UGT1A10: variants seen among roughly 807,000 people sequenced by gnomAD.
UGT1A10 encodes the protein UDP glucuronosyltransferase family 1 member A10.
Under a neutral mutation model 45.8 loss-of-function variants are expected in UGT1A10, and 49 were observed. That is an observed-to-expected ratio of 1.07 (90% CI 0.85 to 1.36). The LOEUF (loss-of-function observed/expected upper bound fraction) is 1.36, where lower values mean the gene tolerates loss of function less well. Among genes scored for constraint, UGT1A10 ranks in the 40% most tolerant of loss-of-function variants. The pLI, the probability that UGT1A10 is intolerant of heterozygous loss-of-function variation, is 0.00. For missense variants in UGT1A10, 745 were observed against 668.6 expected (o/e 1.11, Z -1.26); for synonymous variants, 284 against 249.7 (o/e 1.14, Z -1.29).
chr2:233,721,331 C>T (rs1281887450), intron 1 of UGT1A10, among the ~76,000 whole-genome samples: 1 of 152,014 alleles, frequency 6.6e-6, no homozygotes, highest in African/African-American at 2.4e-5. Flanking sequence ...TGTGGTTTTT[C>T]ACTATGAATA....
intron 1 of UGT1A10, among the ~76,000 whole-genome samples, chr2:233,689,550 G>A (rs2074949714): frequency 6.6e-6 from 1 of 152,232 alleles, no homozygotes; most frequent in Non-Finnish European, 1.5e-5. Context: ...GCAGGTCATA[G>A]GTGAATTCAG....
At chr2:233,692,704 C>G (rs2075110773) in intron 1 of UGT1A10, 1 of 432,618 alleles carries the variant, frequency 2.3e-6, no homozygotes, top group Non-Finnish European at 3.1e-6. Context: ...CTCTCCAAGT[C>G]ATCTTCAAAG....
chr2:233,743,699 GC>G, intron 1 of UGT1A10: 2 of 1,367,268 alleles, frequency 1.5e-6, no homozygotes, highest in Non-Finnish European at 2.0e-6. Context: ...GCCGCCCTCC[GC>G]CCCCGCCTCG....
chr2:233,762,475 C>A (rs1173865347), intron 1 of UGT1A10, among the ~76,000 whole-genome samples: 1 of 152,106 alleles, frequency 6.6e-6, no homozygotes, highest in East Asian at 1.9e-4. Flanking sequence ...ATGGATATCA[C>A]TCCAGTTTTA....
intron 1 of UGT1A10, chr2:233,740,547 G>GA (rs1691417394): frequency 6.6e-6 from 1 of 151,824 alleles, no homozygotes; most frequent in Non-Finnish European, 1.5e-5. Flanking sequence ...ACTCCAGCCA[G>GA]AAAAAATGTC....
chr2:233,737,646 G>T (rs1166167912), intron 1 of UGT1A10, among the ~76,000 whole-genome samples: 1 of 152,194 alleles, frequency 6.6e-6, no homozygotes, highest in African/African-American at 2.4e-5. Flanking sequence ...CGTCGATCAT[G>T]CTGGGAGCTG....
At chr2:233,656,944 G>A (rs1371307527) in intron 1 of UGT1A10, among the ~76,000 whole-genome samples, 1 of 148,630 alleles carries the variant, frequency 6.7e-6, no homozygotes, top group Non-Finnish European at 1.5e-5. Flanking sequence ...TTCCTTTCCT[G>A]TGAGTCTTCC....
At chr2:233,646,442 A>G (rs1191143375) in intron 1 of UGT1A10, among the ~76,000 whole-genome samples, 1 of 152,156 alleles carries the variant, frequency 6.6e-6, no homozygotes, top group African/African-American at 2.4e-5. Context: ...TCAGGCTGCA[A>G]ATTTTCCAAA....
At chr2:233,730,052 G>T in intron 1 of UGT1A10, 3 of 1,612,052 alleles carry the variant, frequency 1.9e-6, no homozygotes, top group Non-Finnish European at 2.5e-6. Flanking sequence ...TTAAAAAAAT[G>T]TATTTATTTA....
intron 1 of UGT1A10, among the ~76,000 whole-genome samples, chr2:233,746,215 A>C (rs1693328060): frequency 6.6e-6 from 1 of 151,878 alleles, no homozygotes; most frequent in South Asian, 2.1e-4. Flanking sequence ...CTCTAATAGC[A>C]AGGACAGATA....
At chr2:233,726,073 G>A (rs2077498872) in intron 1 of UGT1A10, among the ~76,000 whole-genome samples, 1 of 152,190 alleles carries the variant, frequency 6.6e-6, no homozygotes, top group Non-Finnish European at 1.5e-5. Context: ...GGCTGAGGCA[G>A]GAGGATTACT....
chr2:233,667,198 A>G (rs1195405425), intron 1 of UGT1A10, among the ~76,000 whole-genome samples: 1 of 152,132 alleles, frequency 6.6e-6, no homozygotes, highest in African/African-American at 2.4e-5. Flanking sequence ...TAGTATTTCT[A>G]GTTCTAGATC....
rs549328655 is a variant in UGT1A10 at position 233,768,346 on chromosome 2, T to C, written c.1202T>C (p.Met401Thr). 31 of 1,614,146 alleles carry C rather than the reference T, an allele frequency of 1.9e-5. No individual in the cohort carries two copies. Among genetic ancestry groups the C allele is most frequent in the Non-Finnish European group, 2.5e-5 (30 of 1,180,016 alleles). ...GATCAGATGGACAATGCAAAGCGCA[T>C]GGAGACTAAGGGAGCTGGAGTGACC... ...FGDQMDNAKR[M>T]ETKGAGVTLN... Residue 401 changes from methionine to threonine, a missense_variant, in exon 4 of 5, where the codon ATG becomes ACG. Physicochemically the swap from Met to Thr is moderately conservative, Grantham distance 81 (BLOSUM62 -1). Transcript: ENST00000344644.
intron 1 of UGT1A10, among the ~76,000 whole-genome samples, chr2:233,679,205 G>C (rs1332301460): frequency 1.1e-4 from 16 of 152,168 alleles, no homozygotes; most frequent in Admixed American, 4.6e-4. Context: ...TGAACTTGTG[G>C]GTTCTGGGTG....
chr2:233,654,976 A>G (rs1307391544), intron 1 of UGT1A10, among the ~76,000 whole-genome samples: 1 of 152,096 alleles, frequency 6.6e-6, no homozygotes, highest in Non-Finnish European at 1.5e-5. Flanking sequence ...CTGTAATCAT[A>G]GCTACTCGAG....
chr2:233,710,054 G>T (rs2076107374), intron 1 of UGT1A10, among the ~76,000 whole-genome samples: 1 of 152,154 alleles, frequency 6.6e-6, no homozygotes, highest in South Asian at 2.1e-4. Flanking sequence ...TCTTTGGCTC[G>T]GCATAATGTC....
intron 1 of UGT1A10, among the ~76,000 whole-genome samples, chr2:233,667,983 G>A (rs910499220): frequency 3.3e-5 from 5 of 152,108 alleles, no homozygotes; most frequent in Non-Finnish European, 5.9e-5. Flanking sequence ...AAGCAAGGGT[G>A]CAAAAAATTG....
At chr2:233,743,412 T>G in intron 1 of UGT1A10, 4 of 1,321,888 alleles carry the variant, frequency 3.0e-6, no homozygotes, top group Non-Finnish European at 3.0e-6. Flanking sequence ...GGCCCCCACT[T>G]CCCAGGGAGC....
At chr2:233,729,001 C>T in intron 1 of UGT1A10, 3 of 1,564,662 alleles carry the variant, frequency 1.9e-6, no homozygotes, top group Non-Finnish European at 2.6e-6. Flanking sequence ...TAGAGGAGGG[C>T]ACTCTGTCTT....
Sources: gnomAD v4.1 joint callset for allele counts (sites outside exome capture counted in the v4.1 genomes callset) on GRCh38, gnomAD v4.1.1 for gene constraint, MANE v1.5 for transcripts, NCBI Gene and HGNC (gene_info 2026-07-23, HGNC 2026-07-21) for gene names.